The following SLCO3A1 variants were observed in gnomAD, a reference collection of about 807,000 sequenced individuals.
SLCO3A1 encodes solute carrier organic anion transporter family member 3A1.
A neutral mutation model predicts 63.1 loss-of-function variants in SLCO3A1; 27 were observed. That is an observed-to-expected ratio of 0.43 (90% CI 0.32 to 0.59). The LOEUF (loss-of-function observed/expected upper bound fraction) is 0.59. SLCO3A1 is among the 20% of genes least tolerant of loss of function. The pLI is 0.09. For missense variants in SLCO3A1, 773 were observed against 945.8 expected (o/e 0.82, Z 2.40); for synonymous variants, 473 against 409.9 (o/e 1.15, Z -1.86).
chr15:92,006,429 T>G (rs919364618), intron 2 of SLCO3A1, among the ~76,000 whole-genome samples: 3 of 152,180 alleles, frequency 2.0e-5, no homozygotes, highest in African/African-American at 7.2e-5. Flanking sequence ...AGAGCACAGG[T>G]GCTTTTTGGT....
chr15:92,001,827 C>CT (rs59951621), intron 2 of SLCO3A1, among the ~76,000 whole-genome samples: 1,910 of 80,142 alleles, frequency 0.024, 200 homozygotes, highest in African/African-American at 0.061. Context: ...TGTGTGAGTT[C>CT]TTTTTTTTTT....
intron 2 of SLCO3A1, among the ~76,000 whole-genome samples, chr15:91,961,023 A>G (rs16946150): frequency 0.035 from 5,233 of 151,620 alleles, 190 homozygotes; most frequent in African/African-American, 0.088. Context: ...GCTTTATTTT[A>G]CTCCGCTCTC....
rs370142050 is a variant in SLCO3A1, at chr15:92,056,658, T to G, written c.647-38223T>G. ...AATTTCCCTTTCAAACAATTTGCAA[T>G]TGTTCTAATATCCAGTTGAGGTCTG... is the stretch of plus-strand genomic sequence containing the variant. On this transcript the variant is annotated intron_variant, in intron 2 of 9. Coordinates refer to ENST00000318445, the MANE Select transcript of SLCO3A1 (RefSeq NM_013272.4). Among the ~76,000 whole-genome samples, 302 of 152,348 alleles carry G rather than the reference T, an allele frequency of 2.0e-3. 2 individuals are homozygous for G. The highest frequency in any genetic ancestry group is 0.019 in the South Asian group (91 of 4,828).
In SLCO3A1 at chr15:91,853,756, T is replaced by C. The variant is rs2141824989; in HGVS notation, c.-153T>C. ...GGCGAGGAGCTGTGCCTTCCACCTC[T>C]CCAGCCCCGGCAGGACGGGGGCGGC... is the stretch of plus-strand genomic sequence containing the variant. On this transcript the variant is annotated 5_prime_UTR_variant, in exon 1 of 10. Transcript: ENST00000318445. 1 of 705,390 alleles carries C rather than the reference T, an allele frequency of 1.4e-6. No homozygotes were observed. The highest frequency in any genetic ancestry group is 1.8e-6 in the Non-Finnish European group (1 of 565,012). The allele number at this position is 705,390 out of a possible 1,614,324, so 43.7% of individuals were successfully genotyped here.
intron 2 of SLCO3A1, among the ~76,000 whole-genome samples, chr15:91,917,657 G>T (rs2151380743): frequency 6.6e-6 from 1 of 152,298 alleles, no homozygotes; most frequent in South Asian, 2.1e-4. Flanking sequence ...GGAACAAAGG[G>T]GAAGAGAAAA....
chr15:92,143,615 A>G (rs957323523), intron 7 of SLCO3A1, among the ~76,000 whole-genome samples: 19 of 139,818 alleles, frequency 1.4e-4, no homozygotes, highest in Non-Finnish European at 2.7e-4. Context: ...GATTTGATGT[A>G]GGTATGTGAG....
At chr15:91,997,584 C>T (rs58239214) in intron 2 of SLCO3A1, among the ~76,000 whole-genome samples, 54 of 151,952 alleles carry the variant, frequency 3.6e-4, no homozygotes, top group African/African-American at 1.3e-3. Context: ...GCTACAGAGG[C>T]ATCACATTAC....
In SLCO3A1 at chr15:92,165,389, T is replaced by C; in HGVS notation, c.*2254T>C. 1 of 985,404 alleles carries C rather than the reference T, an allele frequency of 1.0e-6. No homozygotes were observed. Among genetic ancestry groups the C allele is most frequent in the Non-Finnish European group, 1.2e-6 (1 of 829,876 alleles). 61.0% of individuals were successfully genotyped at this position (985,404 alleles called of 1,614,324 possible). The stretch of plus-strand genomic sequence containing the variant: ...TCCTGTACAGATTTTGGTTTAGTTT[T>C]GCAAATATATTGCTAATAGGTCACT... On this transcript the variant is annotated 3_prime_UTR_variant, in exon 10 of 10. Transcript: ENST00000318445.
In SLCO3A1 at chr15:92,070,642, C is replaced by CT. The variant is rs57873454; in HGVS notation, c.647-24220dup. 1.3e-3 allele frequency among the ~76,000 whole-genome samples: 184 copies of CT among 145,354 alleles called. 1 individual carries two copies. Among genetic ancestry groups the CT allele is most frequent in the African/African-American group, 2.9e-3 (113 of 38,942 alleles). On this transcript the variant is annotated intron_variant, in intron 2 of 9. Coordinates refer to ENST00000318445, the MANE Select transcript of SLCO3A1 (RefSeq NM_013272.4). ...CTGGGTGACAGAGCAACACTCTAGA[C>CT]TTTTTTTTTTTTTTTTTTTGAGACA...
intron 1 of SLCO3A1, among the ~76,000 whole-genome samples, chr15:91,858,130 A>G (rs1597061917): frequency 1.3e-5 from 2 of 152,162 alleles, no homozygotes; most frequent in East Asian, 3.9e-4. Flanking sequence ...TTTTTTCTAA[A>G]GAAACATCAT....
intron 2 of SLCO3A1, among the ~76,000 whole-genome samples, chr15:92,047,958 G>A (rs1228321239): frequency 1.3e-5 from 2 of 151,818 alleles, no homozygotes; most frequent in African/African-American, 2.4e-5. Context: ...CGAGAGCTGA[G>A]GTTGGGTGCC....
intron 4 of SLCO3A1, among the ~76,000 whole-genome samples, chr15:92,118,071 CAAAA>C (rs1419977222): frequency 6.6e-6 from 1 of 152,136 alleles, no homozygotes; most frequent in Non-Finnish European, 1.5e-5. Flanking sequence ...TAAAAATAGA[CAAAA>C]CACACACATA....
intron 2 of SLCO3A1, among the ~76,000 whole-genome samples, chr15:92,065,942 C>A (rs1279990872): frequency 1.3e-5 from 2 of 152,194 alleles, no homozygotes; most frequent in Non-Finnish European, 2.9e-5. Flanking sequence ...AGTGAGGACA[C>A]GGCTCAGAGG....
At chr15:91,963,024 G>T (rs1900508621) in intron 2 of SLCO3A1, among the ~76,000 whole-genome samples, 1 of 152,124 alleles carries the variant, frequency 6.6e-6, no homozygotes, top group African/African-American at 2.4e-5. Context: ...CCTTCCTCTG[G>T]AGCCTCAGTA....
intron 2 of SLCO3A1, among the ~76,000 whole-genome samples, chr15:92,069,997 C>T (rs1336995706): frequency 6.6e-6 from 1 of 152,228 alleles, no homozygotes; most frequent in African/African-American, 2.4e-5. Flanking sequence ...CGAATTAGGT[C>T]GAGCACGATG....
chr15:91,933,867 A>G (rs1307458432), intron 2 of SLCO3A1, among the ~76,000 whole-genome samples: 1 of 152,214 alleles, frequency 6.6e-6, no homozygotes, highest in Non-Finnish European at 1.5e-5. Flanking sequence ...CAGAATTGCC[A>G]GAGTTTAATT....
chr15:91,862,914 T>C lies in SLCO3A1; in HGVS notation c.180+8826T>C, dbSNP rs1249938976. On this transcript the variant is annotated intron_variant, in intron 1 of 9. Coordinates refer to ENST00000318445, the MANE Select transcript of SLCO3A1 (RefSeq NM_013272.4). This position sits in a 1 kb window ranked among gnomAD's most constrained non-coding sequence, Gnocchi z 4.0. ...CCCTTTGCAAGAGGCTTATGTAAAA[T>C]AGGCAGGCTGTTTCTAATTGTTGAA... Among the ~76,000 whole-genome samples the C allele has an allele frequency of 2.0e-5, 3 of 152,172 alleles. No individual in the cohort carries two copies. Among genetic ancestry groups the C allele is most frequent in the Non-Finnish European group, 2.9e-5 (2 of 68,032 alleles).
intron 1 of SLCO3A1, among the ~76,000 whole-genome samples, chr15:91,890,037 T>G (rs1479834577): frequency 1.3e-5 from 2 of 152,238 alleles, no homozygotes; most frequent in Non-Finnish European, 2.9e-5. Flanking sequence ...TTTATGACTA[T>G]AAATATAGAG....
chr15:91,963,420 G>C (rs958180380), intron 2 of SLCO3A1, among the ~76,000 whole-genome samples: 3 of 118,588 alleles, frequency 2.5e-5, no homozygotes, highest in Non-Finnish European at 3.5e-5. Flanking sequence ...GGGGGGGGGG[G>C]CGGCAGCAGC....
Sources: gnomAD v4.1 joint callset for allele counts (sites outside exome capture counted in the v4.1 genomes callset) on GRCh38, gnomAD v4.1.1 for gene constraint, Gnocchi (gnomAD v3.1) non-coding constraint, MANE v1.5 for transcripts, NCBI Gene and HGNC (gene_info 2026-07-23, HGNC 2026-07-21) for gene names.